Variants in WWOX observed in about 807,000 individuals in gnomAD.
WWOX encodes the protein WW domain-containing oxidoreductase.
A neutral mutation model predicts 46.2 loss-of-function variants in WWOX; 69 were observed. That is an observed-to-expected ratio of 1.49 (90% CI 1.23 to 1.82). The LOEUF is 1.82. Ranked by LOEUF, WWOX falls within the 40% of genes most tolerant of loss-of-function variation. The pLI is 0.00. For missense variants in WWOX, 919 were observed against 542.6 expected (o/e 1.69, Z -6.89); for synonymous variants, 359 against 202.6 (o/e 1.77, Z -6.56).
intron 8 of WWOX, among the ~76,000 whole-genome samples, chr16:78,617,629 A>T (rs576806027): frequency 6.6e-6 from 1 of 152,138 alleles, no homozygotes; most frequent in East Asian, 1.9e-4. Context: ...CCCAATCCCA[A>T]ACTAGAAGTG....
chr16:78,543,672 C>G (rs914168365), intron 8 of WWOX, among the ~76,000 whole-genome samples: 4 of 152,164 alleles, frequency 2.6e-5, no homozygotes, highest in Non-Finnish European at 5.9e-5. Context: ...ATGGAGGCAT[C>G]AAGACTATAA....
At chr16:78,380,961 A>G (rs2081942665) in intron 5 of WWOX, among the ~76,000 whole-genome samples, 1 of 152,068 alleles carries the variant, frequency 6.6e-6, no homozygotes, top group South Asian at 2.1e-4. Context: ...CACTCTATCT[A>G]ATCTTCACTC....
At chr16:78,446,109 T>C (rs1268654821) in intron 8 of WWOX, among the ~76,000 whole-genome samples, 2 of 152,192 alleles carry the variant, frequency 1.3e-5, no homozygotes, top group African/African-American at 4.8e-5. Flanking sequence ...GTGTTTTTCT[T>C]CCTTTGGTGT....
intron 8 of WWOX, among the ~76,000 whole-genome samples, chr16:78,445,495 A>G (rs2083539057): frequency 6.6e-6 from 1 of 152,214 alleles, no homozygotes; most frequent in Non-Finnish European, 1.5e-5. Flanking sequence ...ATAGGCATGG[A>G]AATGAAGAGA....
At chr16:78,141,433 T>C (rs111875386) in intron 4 of WWOX, among the ~76,000 whole-genome samples, 2,103 of 138,248 alleles carry the variant, frequency 0.015, 61 homozygotes, top group African/African-American at 0.048. Context: ...CCCCCTTCTT[T>C]TTTTTTTTTT....
At chr16:78,562,099 T>G (rs1010916341) in intron 8 of WWOX, among the ~76,000 whole-genome samples, 1 of 152,168 alleles carries the variant, frequency 6.6e-6, no homozygotes, top group Non-Finnish European at 1.5e-5. Flanking sequence ...CCTGCCCTTT[T>G]CTCAGATAGA....
At chr16:78,687,002 T>C (rs375281381) in intron 8 of WWOX, among the ~76,000 whole-genome samples, 14 of 152,352 alleles carry the variant, frequency 9.2e-5, no homozygotes, top group African/African-American at 3.1e-4. Flanking sequence ...GTTTTCCTTA[T>C]GTTTCCCCAG....
At chr16:78,885,556 G>C (rs2044437670) in intron 8 of WWOX, among the ~76,000 whole-genome samples, 1 of 152,120 alleles carries the variant, frequency 6.6e-6, no homozygotes, top group South Asian at 2.1e-4. Context: ...GAAATGTGTT[G>C]GATGTGATTT....
intron 4 of WWOX, among the ~76,000 whole-genome samples, chr16:78,163,580 TG>T (rs1241520551): frequency 6.6e-6 from 1 of 152,234 alleles, no homozygotes; most frequent in Admixed American, 6.5e-5. Context: ...TTGCAGATCT[TG>T]GCCCCCAAAA....
At chr16:79,055,259 A>G (rs951512429) in intron 8 of WWOX, among the ~76,000 whole-genome samples, 3 of 150,500 alleles carry the variant, frequency 2.0e-5, no homozygotes, top group Non-Finnish European at 4.4e-5. Flanking sequence ...AGCCTTTCTA[A>G]TTAACATTAC....
At chr16:79,012,798 G>C (rs565278530) in intron 8 of WWOX, among the ~76,000 whole-genome samples, 324 of 152,228 alleles carry the variant, frequency 2.1e-3, no homozygotes, top group Non-Finnish European at 3.5e-3. Flanking sequence ...GCAGCCTTCT[G>C]TTTTCTTCCA....
intron 8 of WWOX, among the ~76,000 whole-genome samples, chr16:79,135,866 G>T (rs750496653): frequency 6.6e-6 from 1 of 151,986 alleles, no homozygotes; most frequent in South Asian, 2.1e-4. Flanking sequence ...CTTCTTTTCT[G>T]AACTGCCTTT....
intron 8 of WWOX, among the ~76,000 whole-genome samples, chr16:78,717,525 C>A (rs781594666): frequency 2.3e-4 from 35 of 152,124 alleles, no homozygotes; most frequent in Non-Finnish European, 4.4e-4. Flanking sequence ...GAAGGGTCTG[C>A]TGTGAAGGAT....
intron 5 of WWOX, among the ~76,000 whole-genome samples, chr16:78,211,359 T>G (rs929517427): frequency 6.6e-6 from 1 of 152,202 alleles, no homozygotes; most frequent in Non-Finnish European, 1.5e-5. Flanking sequence ...TTTGTTCACT[T>G]GTACATCAAA....
rs370293729 is a variant in WWOX at position 78,351,720 on chromosome 16, G to A, written c.517-35140G>A. Among the ~76,000 whole-genome samples, 39 of 152,208 alleles carry A rather than the reference G, an allele frequency of 2.6e-4. 1 individual carries two copies. In the East Asian group the frequency reaches 5.2e-3, roughly 20 times the overall value. On this transcript the variant is annotated intron_variant, in intron 5 of 8. Transcript: ENST00000566780. ...TGCCCAGGCTGGAATGCAGTGGCAC[G>A]ATGTTGGCTCACTGCAAACCCTGCC...
chr16:78,117,615 A>C (rs536392952), intron 4 of WWOX, among the ~76,000 whole-genome samples: 44 of 152,300 alleles, frequency 2.9e-4, no homozygotes, highest in African/African-American at 9.9e-4. Context: ...GTCCTTGCCC[A>C]AGTAGGCTGT....
chr16:78,482,868 A>C, intron 8 of WWOX, among the ~76,000 whole-genome samples: 1 of 152,212 alleles, frequency 6.6e-6, no homozygotes, highest in Non-Finnish European at 1.5e-5. Context: ...AGGGCCAGGC[A>C]CATAAAATAC....
intron 8 of WWOX, among the ~76,000 whole-genome samples, chr16:78,823,363 A>G (rs1430249856): frequency 6.6e-6 from 1 of 151,938 alleles, no homozygotes; most frequent in Admixed American, 6.6e-5. Flanking sequence ...GGAAGGACAG[A>G]CTCCCACCCC....
chr16:78,821,662 T>C (rs1055841423), intron 8 of WWOX, among the ~76,000 whole-genome samples: 7 of 152,304 alleles, frequency 4.6e-5, no homozygotes, highest in Non-Finnish European at 7.4e-5. Flanking sequence ...AGGCATGTGG[T>C]CGTTCACAGG....
Sources: allele counts gnomAD v4.1 joint callset (sites outside exome capture counted in the v4.1 genomes callset), GRCh38; gene constraint gnomAD v4.1.1; transcripts MANE v1.5; gene names NCBI Gene and HGNC (gene_info 2026-07-23, HGNC 2026-07-21).